Variants in MGST1 observed in about 807,000 individuals in gnomAD.
MGST1 encodes glutathione S-transferase 12.
MGST1 carries 5 observed loss-of-function variants against 8.9 expected under a neutral mutation model. The observed-to-expected ratio is 0.56, with a 90% CI of 0.29 to 1.19. MGST1 has a LOEUF of 1.19. Among genes scored for constraint, MGST1 ranks in the 50% most tolerant of loss-of-function variants. The pLI, the probability that MGST1 is intolerant of heterozygous loss-of-function variation, is 0.08. For missense variants in MGST1, 182 were observed against 187.4 expected, an observed-to-expected ratio of 0.97 and a Z score of 0.17; for synonymous variants, 54 against 67.8, an observed-to-expected ratio of 0.80 and a Z score of 1.00.
rs1257144227 is a variant in MGST1 at position 16,560,364 on chromosome 12, G to C, written n.483-29164G>C. 2 of 1,581,136 alleles carry C rather than the reference G, an allele frequency of 1.3e-6. No individual in the cohort carries two copies. The highest frequency in any genetic ancestry group is 8.6e-7 in the Non-Finnish European group (1 of 1,162,488). ...TTTCCACCTATTAAATAAATAGCCA[G>C]CACAGAGAGGTTAACCATTTCTTAG... On this transcript the variant is annotated intron_variant and non_coding_transcript_variant, in intron 4 of 4. Coordinates refer to the MGST1 transcript ENST00000538857. The surrounding 1 kb of genome is among the most constrained non-coding windows in gnomAD (Gnocchi z 5.0).
At chr12:16,562,997 A>G (rs1212694894) in intron 4 of MGST1, among the ~76,000 whole-genome samples, 1 of 152,194 alleles carries the variant, frequency 6.6e-6, no homozygotes, top group African/African-American at 2.4e-5. Flanking sequence ...TATCTTAATT[A>G]TTCTCTGCTG....
chr12:16,468,121 G>A (rs1392087659), intron 4 of MGST1, among the ~76,000 whole-genome samples: 2 of 152,178 alleles, frequency 1.3e-5, no homozygotes, highest in Non-Finnish European at 2.9e-5. Flanking sequence ...CCTTGAGGAA[G>A]ATTCAGAAGC....
chr12:16,375,879 T>C (rs1940371499), intron 3 of MGST1, among the ~76,000 whole-genome samples: 1 of 151,956 alleles, frequency 6.6e-6, no homozygotes, highest in South Asian at 2.1e-4. Context: ...TGCTATTCAA[T>C]ACAACTAGCA....
intron 4 of MGST1, among the ~76,000 whole-genome samples, chr12:16,447,591 G>A (rs116086907): frequency 1.2e-3 from 182 of 152,010 alleles, no homozygotes; most frequent in African/African-American, 4.0e-3. Context: ...CTCATATGTC[G>A]GGATACCAGG....
At chr12:16,392,516 C>T (rs1343535887) in intron 1 of MGST1, among the ~76,000 whole-genome samples, 1 of 152,184 alleles carries the variant, frequency 6.6e-6, no homozygotes, top group East Asian at 1.9e-4. Context: ...CCATACATTT[C>T]AGTTTCATTT....
intron 3 of MGST1, among the ~76,000 whole-genome samples, chr12:16,371,987 A>C (rs979043459): frequency 6.6e-6 from 1 of 152,122 alleles, no homozygotes; most frequent in Non-Finnish European, 1.5e-5. Flanking sequence ...CCACGTGCAG[A>C]AAAAGGAAAC....
chr12:16,509,985 G>T (rs999671845), intron 4 of MGST1, among the ~76,000 whole-genome samples: 2 of 152,202 alleles, frequency 1.3e-5, no homozygotes, highest in Non-Finnish European at 2.9e-5. Flanking sequence ...TATACCAGAT[G>T]AAATTTTATA....
At position 16,555,767 on chromosome 12, in the gene MGST1, A is replaced by G. The variant is rs1317631996; in HGVS notation, n.483-33761A>G. ...ACACGTCAAATGCTTTCACATCTGC[A>G]TGCCTTTGCACGTTGCTCAATTTGC... is the stretch of plus-strand genomic sequence containing the variant. On this transcript the variant is annotated intron_variant and non_coding_transcript_variant, in intron 4 of 4. Transcript: ENST00000538857. This position sits in a 1 kb window ranked among gnomAD's most constrained non-coding sequence, Gnocchi z 5.5. 6.6e-6 allele frequency among the ~76,000 whole-genome samples: 1 copy of G among 152,144 alleles called. No individual in the cohort carries two copies. Among genetic ancestry groups the G allele is most frequent in the African/African-American group, 2.4e-5 (1 of 41,440 alleles).
intron 1 of MGST1, among the ~76,000 whole-genome samples, chr12:16,403,691 C>T (rs190289287): frequency 6.6e-6 from 1 of 152,168 alleles, no homozygotes; most frequent in African/African-American, 2.4e-5. Context: ...AATTGACTCA[C>T]AGTTCAGCAT....
At chr12:16,414,395 A>AT (rs66730103) in intron 1 of MGST1, among the ~76,000 whole-genome samples, 26 of 94,686 alleles carry the variant, frequency 2.7e-4, no homozygotes, top group South Asian at 6.9e-4. Context: ...AGGTGTTTTT[A>AT]TTTTTTTTTT....
intron 1 of MGST1, among the ~76,000 whole-genome samples, chr12:16,395,848 G>A (rs1199284876): frequency 1.4e-5 from 2 of 142,338 alleles, no homozygotes; most frequent in Non-Finnish European, 3.0e-5. Context: ...TATTCAGTCA[G>A]TAATTGATGA....
rs1943274294 is a variant in MGST1 at position 16,585,026 on chromosome 12, A to G, written n.483-4502A>G. 6.6e-6 allele frequency among the ~76,000 whole-genome samples: 1 copy of G among 152,236 alleles called. No homozygotes were observed. Among genetic ancestry groups the G allele is most frequent in the Non-Finnish European group, 1.5e-5 (1 of 68,046 alleles). On this transcript the variant is annotated intron_variant and non_coding_transcript_variant, in intron 4 of 4. Coordinates refer to the MGST1 transcript ENST00000538857. This position sits in a 1 kb window ranked among gnomAD's most constrained non-coding sequence, Gnocchi z 4.7. ...GTTAGTTGCCAATGTCTTATATACA[A>G]GAGATTTTACTGAAATATCTAGAAA...
chr12:16,442,758 T>C (rs1054575458), downstream of MGST1, among the ~76,000 whole-genome samples: 5 of 151,914 alleles, frequency 3.3e-5, no homozygotes, highest in African/African-American at 1.2e-4. This position sits in a 1 kb window ranked among gnomAD's most constrained non-coding sequence, Gnocchi z 4.5. Context: ...TCTCTTTCCA[T>C]GCTGTGTTGG....
At chr12:16,395,792 T>TACACACACAC (rs1371254759) in intron 1 of MGST1, among the ~76,000 whole-genome samples, 30 of 124,622 alleles carry the variant, frequency 2.4e-4, no homozygotes, top group East Asian at 8.5e-4. Context: ...TATATATATA[T>TACACACACAC]ATATATATAT....
At chr12:16,512,230 G>A (rs559247165) in intron 4 of MGST1, among the ~76,000 whole-genome samples, 6 of 152,104 alleles carry the variant, frequency 3.9e-5, no homozygotes, top group African/African-American at 1.4e-4. Context: ...AAGGATGTGG[G>A]TATGGATGGT....
At chr12:16,400,061 G>C (rs1940641196) in intron 1 of MGST1, 2 of 1,582,006 alleles carry the variant, frequency 1.3e-6, no homozygotes, top group Admixed American at 1.7e-5. Context: ...TCCTTAGTTA[G>C]AGCCTCTACT....
downstream of MGST1, among the ~76,000 whole-genome samples, chr12:16,592,767 A>G (rs1346433147): frequency 6.6e-6 from 1 of 151,968 alleles, no homozygotes; most frequent in Admixed American, 6.6e-5. Flanking sequence ...TGTGAGCAGT[A>G]TGTCAAAAAA....
intron 1 of MGST1, among the ~76,000 whole-genome samples, chr12:16,407,865 C>G (rs745554620): frequency 7.3e-5 from 11 of 151,724 alleles, no homozygotes; most frequent in Non-Finnish European, 1.3e-4. Flanking sequence ...AACCCTGTCT[C>G]TACTAAAAAT....
Position 16,504,204 on chromosome 12 carries a change from C to A in MGST1, n.483-85324C>A, listed in dbSNP as rs546284673. The stretch of plus-strand genomic sequence containing the variant: ...AAATAAACACTACAACCACAACTGG[C>A]CCAGCCTAAATGTTGTGTGATATTC... On this transcript the variant is annotated intron_variant and non_coding_transcript_variant, in intron 4 of 4. Coordinates refer to the MGST1 transcript ENST00000538857. 1.2e-4 allele frequency among the ~76,000 whole-genome samples: 17 copies of A among 140,980 alleles called. 1 individual carries two copies. In the East Asian group the frequency reaches 3.0e-3, roughly 25 times the overall value. The allele number at this position is 140,980 out of a possible 152,430, so 92.5% of individuals were successfully genotyped here. A position where few individuals can be genotyped will look rare whatever the true frequency, so the allele number is the denominator to read the frequency against.
Sources: gnomAD v4.1 joint callset for allele counts (sites outside exome capture counted in the v4.1 genomes callset) on GRCh38, gnomAD v4.1.1 for gene constraint, Gnocchi (gnomAD v3.1) non-coding constraint, MANE v1.5 for transcripts, NCBI Gene and HGNC (gene_info 2026-07-23, HGNC 2026-07-21) for gene names.